L3MBTL3: variants seen among roughly 807,000 people sequenced by gnomAD.
The protein encoded by L3MBTL3 is lethal(3)malignant brain tumor-like protein 3.
L3MBTL3 carries 27 observed loss-of-function variants against 102.3 expected under a neutral mutation model. That is an observed-to-expected ratio of 0.26 (90% CI 0.19 to 0.36). L3MBTL3 has a LOEUF of 0.36. Among genes scored for constraint, L3MBTL3 ranks in the 10% least tolerant of loss-of-function variants. L3MBTL3 has a pLI of 1.00. For missense variants in L3MBTL3, 798 were observed against 955.3 expected (o/e 0.84, Z 2.17); for synonymous variants, 340 against 320.9 (o/e 1.06, Z -0.64).
intron 20 of L3MBTL3, among the ~76,000 whole-genome samples, chr6:130,121,634 T>C (rs535445048): frequency 2.6e-5 from 4 of 152,324 alleles, no homozygotes; most frequent in African/African-American, 9.6e-5. Context: ...ATTGTTGATA[T>C]CATTTGCTTC....
chr6:130,111,625 G>C (rs1785352408), intron 19 of L3MBTL3, among the ~76,000 whole-genome samples: 1 of 152,210 alleles, frequency 6.6e-6, no homozygotes, highest in Non-Finnish European at 1.5e-5. Context: ...TGTGAGGAAT[G>C]AATGTCCTTT....
chr6:130,095,689 C>T (rs1343904634), intron 18 of L3MBTL3, among the ~76,000 whole-genome samples: 1 of 152,108 alleles, frequency 6.6e-6, no homozygotes, highest in Non-Finnish European at 1.5e-5. Flanking sequence ...ATTTATTTCT[C>T]ACTTTCTGGA....
chr6:130,052,299 GT>G (rs966997976), intron 6 of L3MBTL3, among the ~76,000 whole-genome samples: 1 of 151,820 alleles, frequency 6.6e-6, no homozygotes, highest in African/African-American at 2.4e-5. Context: ...TAGAGACGGG[GT>G]TTCACCATGT....
intron 3 of L3MBTL3, among the ~76,000 whole-genome samples, chr6:130,043,773 CTAGCT>C (rs1380126190): frequency 6.6e-6 from 1 of 152,174 alleles, no homozygotes; most frequent in Non-Finnish European, 1.5e-5. Flanking sequence ...CAAGCCTGCC[CTAGCT>C]CATCCTCAGT....
Position 130,120,930 on chromosome 6 carries a change from T to G in L3MBTL3, c.1938T>G (p.Ser646Arg), listed in dbSNP as rs768809428. The G allele has an allele frequency of 6.2e-7, 1 of 1,612,632 alleles. No homozygotes were observed. Among genetic ancestry groups the G allele is most frequent in the Non-Finnish European group, 8.5e-7 (1 of 1,179,064 alleles). Residue 646 changes from serine (S) to arginine (R), a missense_variant, in exon 20 of 23, where the codon AGT becomes AGG. Around this residue, in one of 4 missense-constraint regions of L3MBTL3, gnomAD observed 306 missense variants for 314.4 expected, o/e 0.97. Coordinates refer to ENST00000361794, the MANE Select transcript of L3MBTL3 (RefSeq NM_032438.4). ...VKEDFEERTESEMRTSHEARG... is the reference protein window; with the variant it reads ...VKEDFEERTEREMRTSHEARG... Reference sequence around the variant, plus strand: ...AAGACTTTGAAGAGAGAACAGAAAGTGAAATGAGAACATCACATGAAGCCA... The same window carrying G: ...AAGACTTTGAAGAGAGAACAGAAAGGGAAATGAGAACATCACATGAAGCCA...
chr6:130,079,693 A>G (rs1783190847), intron 14 of L3MBTL3, among the ~76,000 whole-genome samples: 2 of 152,152 alleles, frequency 1.3e-5, no homozygotes, highest in African/African-American at 2.4e-5. Context: ...TGCAGCATGT[A>G]AGCTGCAAGA....
At chr6:130,094,971 C>G (rs926585388) in intron 18 of L3MBTL3, among the ~76,000 whole-genome samples, 1 of 152,048 alleles carries the variant, frequency 6.6e-6, no homozygotes, top group African/African-American at 2.4e-5. Flanking sequence ...ACTTGGGAGG[C>G]TAAGGTGGGA....
At chr6:130,066,533 A>T in intron 11 of L3MBTL3, 45 bp downstream of exon 11, 5 of 1,500,252 alleles carry the variant, frequency 3.3e-6, no homozygotes, top group Non-Finnish European at 4.6e-6. Context: ...GTAAAAACTC[A>T]TTTTCTTACA....
intron 18 of L3MBTL3, among the ~76,000 whole-genome samples, chr6:130,098,826 G>T (rs943129047): frequency 6.7e-6 from 1 of 149,996 alleles, no homozygotes; most frequent in East Asian, 2.0e-4. Context: ...TTCATGCAAT[G>T]CACAGTGGCC....
intron 2 of L3MBTL3, among the ~76,000 whole-genome samples, chr6:130,028,029 C>T (rs554617509): frequency 1.3e-5 from 2 of 150,820 alleles, no homozygotes; most frequent in East Asian, 3.9e-4. Flanking sequence ...TTAAATATGC[C>T]ATAGGCCCAT....
rs1029449580 is a variant in L3MBTL3, at chr6:130,066,380, T to G, written c.892T>G (p.Phe298Val). Residue 298 changes from phenylalanine (F) to valine (V), a missense_variant, in exon 11 of 23, where the codon TTT becomes GTT. By Grantham distance (50) the Phe-to-Val change is conservative. Transcript: ENST00000361794. ...EVCGYRIKLH[F>V]DGYSDCYDFW... is the part of the protein sequence containing the mutation. ...TTGTGGATACCGGATAAAGCTTCAC[T>G]TTGATGGGTATTCTGATTGCTATGA... 2 of 1,609,134 alleles carry G rather than the reference T, an allele frequency of 1.2e-6. No homozygotes were observed. The highest frequency in any genetic ancestry group is 2.2e-5 in the East Asian group (1 of 44,542).
intron 19 of L3MBTL3, among the ~76,000 whole-genome samples, chr6:130,105,782 A>AGT (rs991144529): frequency 6.6e-6 from 1 of 152,228 alleles, no homozygotes; most frequent in African/African-American, 2.4e-5. Context: ...TTGTTTAAAA[A>AGT]GTATCAACAG....
At chr6:130,103,177 A>G (rs900802418) in intron 18 of L3MBTL3, among the ~76,000 whole-genome samples, 8 of 152,244 alleles carry the variant, frequency 5.3e-5, no homozygotes, top group African/African-American at 1.9e-4. Context: ...TTGATATATC[A>G]TAAGTGCTCC....
intron 19 of L3MBTL3, among the ~76,000 whole-genome samples, chr6:130,106,882 C>T (rs539845987): frequency 1.8e-4 from 28 of 152,204 alleles, no homozygotes; most frequent in Non-Finnish European, 3.2e-4. Context: ...AATGGGTTTC[C>T]TCCTTTTCAG....
At chr6:130,054,334 G>C (rs1781320739) in intron 7 of L3MBTL3, among the ~76,000 whole-genome samples, 1 of 152,198 alleles carries the variant, frequency 6.6e-6, no homozygotes, top group Non-Finnish European at 1.5e-5. Flanking sequence ...ATTGTATTCT[G>C]AGTGTCAGGG....
chr6:130,029,783 G>A (rs1186931771), intron 2 of L3MBTL3, among the ~76,000 whole-genome samples: 1 of 152,082 alleles, frequency 6.6e-6, no homozygotes, highest in Non-Finnish European at 1.5e-5. Context: ...GGTTCTTGGA[G>A]GGCATGTGGA....
intron 13 of L3MBTL3, among the ~76,000 whole-genome samples, chr6:130,076,679 T>C (rs1584382182): frequency 1.3e-5 from 2 of 152,306 alleles, no homozygotes; most frequent in South Asian, 4.1e-4. Flanking sequence ...TAGTTGTTCT[T>C]CATATTTCTT....
intron 2 of L3MBTL3, among the ~76,000 whole-genome samples, chr6:130,031,911 A>G (rs1343934735): frequency 6.6e-6 from 1 of 152,050 alleles, no homozygotes. Context: ...AAAATAACAT[A>G]TCTACTTTTC....
intron 16 of L3MBTL3, among the ~76,000 whole-genome samples, chr6:130,089,920 C>T (rs542994251): frequency 3.0e-4 from 45 of 151,496 alleles, no homozygotes; most frequent in African/African-American, 1.0e-3. Flanking sequence ...CTATCTTTTT[C>T]TTTTTTTCTC....
Sources: allele counts gnomAD v4.1 joint callset (sites outside exome capture counted in the v4.1 genomes callset), GRCh38; gene constraint gnomAD v4.1.1; regional missense constraint gnomAD v4.1.1; transcripts MANE v1.5; gene names NCBI Gene and HGNC (gene_info 2026-07-23, HGNC 2026-07-21).